TTLL8: variants seen among roughly 807,000 people sequenced by gnomAD.
TTLL8 encodes the protein protein monoglycylase TTLL8.
TTLL8 carries 65 observed loss-of-function variants against 77.8 expected under a neutral mutation model. The ratio of observed to expected loss-of-function variants is 0.84; its 90% CI spans 0.68 to 1.03. The LOEUF is 1.03. Among genes scored for constraint, TTLL8 ranks in the 50% least tolerant of loss-of-function variants. The pLI is 0.00. For missense variants in TTLL8, 910 were observed against 1,004.5 expected (o/e 0.91, Z 1.27); for synonymous variants, 402 against 422.8 (o/e 0.95, Z 0.60).
chr22:50,038,254 A>G (rs942156053), intron 8 of TTLL8, among the ~76,000 whole-genome samples: 3 of 151,648 alleles, frequency 2.0e-5, no homozygotes, highest in Admixed American at 6.5e-5. Context: ...TTAATACTTT[A>G]TCATTTATTT....
rs943201526 is a variant in TTLL8 at position 50,041,295 on chromosome 22, T to C, written c.831-18A>G. ...AAGGCACCCTGAGGGGGTATCATCC[T>C]CTCAACAGTCATCAGGGTCCTGGTG... On this transcript the variant is annotated intron_variant, in intron 7 of 13. Coordinates refer to ENST00000266182, the Ensembl canonical transcript of TTLL8. The surrounding 1 kb of genome is among the most constrained non-coding windows in gnomAD (Gnocchi z 4.3). 1 of 509,544 alleles carries C rather than the reference T, an allele frequency of 2.0e-6. No individual in the cohort carries two copies. The highest frequency in any genetic ancestry group is 5.9e-5 in the East Asian group (1 of 17,046). 31.6% of individuals were successfully genotyped at this position (509,544 alleles called of 1,614,324 possible). A position where few individuals can be genotyped will look rare whatever the true frequency, so the allele number is the denominator to read the frequency against.
chr22:50,051,911 C>A (rs2061445234), intron 1 of TTLL8, among the ~76,000 whole-genome samples: 1 of 152,196 alleles, frequency 6.6e-6, no homozygotes, highest in African/African-American at 2.4e-5. Flanking sequence ...ACAAACTGTG[C>A]TCTGGCAGGA....
Position 50,041,936 on chromosome 22 carries a change from G to A in TTLL8, c.644-129C>T. 1 of 827,388 alleles carries A rather than the reference G, an allele frequency of 1.2e-6. No homozygotes were observed. Among genetic ancestry groups the A allele is most frequent in the Non-Finnish European group, 1.6e-6 (1 of 609,640 alleles). The allele number at this position is 827,388 out of a possible 1,614,324, so 51.3% of individuals were successfully genotyped here. A position where few individuals can be genotyped will look rare whatever the true frequency, so the allele number is the denominator to read the frequency against. On this transcript the variant is annotated intron_variant, in intron 6 of 13. Transcript: ENST00000266182. The surrounding 1 kb of genome is among the most constrained non-coding windows in gnomAD (Gnocchi z 4.3). ...CCCTCTGTGCCCCAATACCCAACAA[G>A]TATCCCAGATCCCCAGACAGGCACC...
exon 12 of TTLL8, chr22:50,030,694 G>T: frequency 7.8e-7 from 1 of 1,290,236 alleles, no homozygotes; most frequent in Non-Finnish European, 1.0e-6. Context: ...AAGGCCAGGG[G>T]GAGCCCCTTC....
At position 50,030,286 on chromosome 22, in the gene TTLL8, C is replaced by A. The variant is rs954651617; in HGVS notation, c.2203+144G>T. The A allele has an allele frequency of 9.2e-6, 10 of 1,082,238 alleles. No homozygotes were observed. In the African/African-American group the frequency reaches 1.7e-4, roughly 19 times the overall value. 67.0% of individuals were successfully genotyped at this position (1,082,238 alleles called of 1,614,324 possible). On this transcript the variant is annotated intron_variant, in intron 12 of 13. Transcript: ENST00000266182. Reference sequence around the variant, plus strand: ...AACCCCGCTCCCCGGCTCCCGCCGGCGCCTCCGTCAGGGGACACCCCGGGC... The same window carrying A: ...AACCCCGCTCCCCGGCTCCCGCCGGAGCCTCCGTCAGGGGACACCCCGGGC...
At chr22:50,032,445 C>T (rs1396592758) in intron 10 of TTLL8, among the ~76,000 whole-genome samples, 1 of 152,254 alleles carries the variant, frequency 6.6e-6, no homozygotes, top group Non-Finnish European at 1.5e-5. Flanking sequence ...CCCACTTGAC[C>T]AGAGGCAGTG....
intron 9 of TTLL8, among the ~76,000 whole-genome samples, chr22:50,033,865 T>C (rs2061316729): frequency 6.6e-6 from 1 of 152,082 alleles, no homozygotes; most frequent in Non-Finnish European, 1.5e-5. Flanking sequence ...TGAAACTCCA[T>C]CTCTACTAAA....
intron 9 of TTLL8, among the ~76,000 whole-genome samples, chr22:50,033,842 C>G (rs1178323642): frequency 1.3e-5 from 2 of 152,182 alleles, no homozygotes; most frequent in African/African-American, 4.8e-5. Context: ...CAAGACCAGC[C>G]TGGCCAACAT....
chr22:50,032,777 G>A (rs936838627), intron 10 of TTLL8, among the ~76,000 whole-genome samples: 8 of 152,152 alleles, frequency 5.3e-5, no homozygotes, highest in East Asian at 1.9e-4. Context: ...ACAGGCTCTC[G>A]CCCTCCTGCC....
At chr22:50,042,402 CT>C (rs1326660182) in intron 6 of TTLL8, among the ~76,000 whole-genome samples, 1 of 152,186 alleles carries the variant, frequency 6.6e-6, no homozygotes, top group Non-Finnish European at 1.5e-5. Flanking sequence ...CCTCCGCCTC[CT>C]GGGTTCAAGT....
intron 12 of TTLL8, among the ~76,000 whole-genome samples, chr22:50,025,276 ACT>A (rs2061224816): frequency 9.8e-6 from 1 of 102,440 alleles, no homozygotes; most frequent in Non-Finnish European, 2.1e-5. Context: ...ATTAGCAAAA[ACT>A]CCAAAAAAAA....
At position 50,050,169 on chromosome 22, in the gene TTLL8, T is replaced by A. The variant is rs2061436654; in HGVS notation, c.130A>T (p.Lys44Ter). The A allele has an allele frequency of 7.3e-7, 1 of 1,366,598 alleles. No homozygotes were observed. Among genetic ancestry groups the A allele is most frequent in the Non-Finnish European group, 9.8e-7 (1 of 1,021,550 alleles). 84.7% of individuals were successfully genotyped at this position (1,366,598 alleles called of 1,614,324 possible). A position where few individuals can be genotyped will look rare whatever the true frequency, so the allele number is the denominator to read the frequency against. ...ATGACCTTGGGCAAAAAGTGGAACTTCTTCTCTACCCAGCCCTTCCTTCGC... is the reference window on the plus strand; with the variant it reads ...ATGACCTTGGGCAAAAAGTGGAACTACTTCTCTACCCAGCCCTTCCTTCGC... Residue 44 changes from lysine (K) to a stop codon, truncating the protein, a stop_gained, in exon 2 of 14, where the codon AAG (lysine) becomes TAG (stop). Coordinates refer to ENST00000266182, the Ensembl canonical transcript of TTLL8. LOFTEE classifies it high-confidence loss of function.
chr22:50,030,410 C>A lies in TTLL8; in HGVS notation c.2203+20G>T. 7.7e-7 allele frequency: 1 copy of A among 1,301,186 alleles called. No individual in the cohort carries two copies. The highest frequency in any genetic ancestry group is 1.0e-6 in the Non-Finnish European group (1 of 1,000,054). 80.6% of individuals were successfully genotyped at this position (1,301,186 alleles called of 1,614,324 possible). A position where few individuals can be genotyped will look rare whatever the true frequency, so the allele number is the denominator to read the frequency against. The stretch of plus-strand genomic sequence containing the variant: ...AGGCGGCCCCCAAGCCCACAGCGCA[C>A]CGCCGGCGGCGCAGGTTACCTTTTC... On this transcript the variant is annotated intron_variant, in intron 12 of 13. Coordinates refer to ENST00000266182, the Ensembl canonical transcript of TTLL8.
chr22:50,056,242 G>A (rs369928298), upstream of TTLL8, among the ~76,000 whole-genome samples: 23 of 152,252 alleles, frequency 1.5e-4, no homozygotes, highest in Middle Eastern at 0.01. The surrounding 1 kb of genome is among the most constrained non-coding windows in gnomAD (Gnocchi z 4.1). Flanking sequence ...ATTTAACCGC[G>A]GCCTGCAGTC....
At chr22:50,054,623 T>A in exon 1 of TTLL8, 1 of 228,314 alleles carries the variant, frequency 4.4e-6, no homozygotes, top group South Asian at 6.9e-5. Flanking sequence ...TCCAGGAGCC[T>A]CATGCTTCCT....
At chr22:50,028,631 T>C (rs75798841) in intron 12 of TTLL8, among the ~76,000 whole-genome samples, 1,150 of 27,838 alleles carry the variant, frequency 0.041, 17 homozygotes, top group Middle Eastern at 0.12. Context: ...GACCCCCACA[T>C]ACCCTCGTAA....
chr22:50,021,218 G>T (rs1202838317), intron 12 of TTLL8, among the ~76,000 whole-genome samples: 1 of 137,462 alleles, frequency 7.3e-6, no homozygotes, highest in Non-Finnish European at 1.5e-5. Context: ...TCCTCCATCT[G>T]ACGTGCACTC....
At chr22:50,027,931 G>A (rs989770350) in intron 12 of TTLL8, among the ~76,000 whole-genome samples, 18 of 152,270 alleles carry the variant, frequency 1.2e-4, no homozygotes, top group African/African-American at 4.3e-4. Context: ...GGCAACTGCG[G>A]CAGGAACCTG....
Position 50,027,773 on chromosome 22 carries a change from C to T in TTLL8, c.2203+2657G>A, listed in dbSNP as rs546300365. 155 of 985,440 alleles carry T rather than the reference C, an allele frequency of 1.6e-4. 1 individual carries two copies. The highest frequency in any genetic ancestry group is 1.2e-4 in the Admixed American group (2 of 16,290). The allele number at this position is 985,440 out of a possible 1,614,324, so 61.0% of individuals were successfully genotyped here. A position where few individuals can be genotyped will look rare whatever the true frequency, so the allele number is the denominator to read the frequency against. ...TGTCACGGAACAAACACACACCAGG[C>T]GAGCACTAGCCTGAGGCCGAGGGGC... is the stretch of plus-strand genomic sequence containing the variant. On this transcript the variant is annotated intron_variant, in intron 12 of 13. Coordinates refer to ENST00000266182, the Ensembl canonical transcript of TTLL8.
Sources: gnomAD v4.1 joint callset for allele counts (sites outside exome capture counted in the v4.1 genomes callset) on GRCh38, gnomAD v4.1.1 for gene constraint, Gnocchi (gnomAD v3.1) non-coding constraint, MANE v1.5 for transcripts, NCBI Gene and HGNC (gene_info 2026-07-23, HGNC 2026-07-21) for gene names.